API5: variants seen among roughly 807,000 people sequenced by gnomAD.
The protein encoded by API5 is FIF.
A neutral mutation model predicts 71.9 loss-of-function variants in API5; 6 were observed. The ratio of observed to expected loss-of-function variants is 0.08; its 90% CI spans 0.05 to 0.16. The LOEUF is 0.16. API5 is among the 10% of genes least tolerant of loss of function. The probability of loss-of-function intolerance (pLI) is 1.00; values close to 1 mark genes in which losing one functional copy is unlikely to be tolerated. For missense variants in API5, 332 were observed against 612.8 expected (o/e 0.54, Z 4.84); for synonymous variants, 189 against 221.3 (o/e 0.85, Z 1.30).
intron 4 of API5, among the ~76,000 whole-genome samples, chr11:43,321,757 G>C (rs1191552203): frequency 6.6e-6 from 1 of 152,114 alleles, no homozygotes; most frequent in Non-Finnish European, 1.5e-5. Context: ...TTTATTATTA[G>C]TAATGATAAA....
In API5 at chr11:43,312,041, G is replaced by T. The variant is rs184841117; in HGVS notation, c.-87G>T. The T allele has an allele frequency of 2.1e-6, 3 of 1,449,076 alleles. No homozygotes were observed. In the East Asian group the frequency reaches 7.0e-5, roughly 34 times the overall value. 89.8% of individuals were successfully genotyped at this position (1,449,076 alleles called of 1,614,324 possible). On this transcript the variant is annotated 5_prime_UTR_variant, in exon 1 of 14. Transcript: ENST00000531273. ...CGGCAGCTGGAGGTGTAATAGTGCG[G>T]GTAGTGGGTTTGGAGAAGTTCCGAG...
At chr11:43,331,408 A>G (rs562304591) in intron 11 of API5, 1 of 153,920 alleles carries the variant, frequency 6.5e-6, no homozygotes. Context: ...AAGAAGCCTT[A>G]CCAATAACAT....
chr11:43,326,027 A>C (rs5743234), intron 6 of API5, among the ~76,000 whole-genome samples: 9 of 152,186 alleles, frequency 5.9e-5, no homozygotes, highest in Non-Finnish European at 1.2e-4. Flanking sequence ...ACAATTTTTT[A>C]AGAGTTTTGA....
rs1174339718 is a variant in API5 at position 43,342,504 on chromosome 11, C to G, written c.1569C>G (p.Leu523=). 4 of 1,613,526 alleles carry G rather than the reference C, an allele frequency of 2.5e-6. No homozygotes were observed. The African/African-American group carries it at 5.3e-5, about 22-fold the overall frequency. Residue 523 remains leucine, a synonymous_variant, in exon 14 of 14, where the codon CTC becomes CTG. Coordinates refer to ENST00000531273, the MANE Select transcript of API5 (RefSeq NM_001142930.2). ...GTRGNRSRGR[L]Y ...GAGGAAATCGTAGTCGGGGAAGACT[C>G]TACTGAATAAGACATCAGCATTCTT...
At chr11:43,332,188 C>G (rs575439022) in intron 11 of API5, 9 of 152,322 alleles carry the variant, frequency 5.9e-5, no homozygotes, top group African/African-American at 1.9e-4. Flanking sequence ...CTGCTATACT[C>G]TCACAGTGCA....
At position 43,312,084 on chromosome 11, in the gene API5, C is replaced by A. The variant is rs757010245; in HGVS notation, c.-44C>A. On this transcript the variant is annotated 5_prime_UTR_variant, in exon 1 of 14. Coordinates refer to ENST00000531273, the MANE Select transcript of API5 (RefSeq NM_001142930.2). ...GTTCCGAGGCGGCGGTGGCGCCGGTCAGGACAAGGATAGCGGAACCGGGCC... is the reference window on the plus strand; with the variant it reads ...GTTCCGAGGCGGCGGTGGCGCCGGTAAGGACAAGGATAGCGGAACCGGGCC... 4 of 1,607,072 alleles carry A rather than the reference C, an allele frequency of 2.5e-6. No homozygotes were observed. Among genetic ancestry groups the A allele is most frequent in the Non-Finnish European group, 3.4e-6 (4 of 1,175,512 alleles).
Position 43,326,621 on chromosome 11 carries a change from A to G in API5, c.855+10A>G, listed in dbSNP as rs376199404. 2 of 1,529,844 alleles carry G rather than the reference A, an allele frequency of 1.3e-6. No individual in the cohort carries two copies. The highest frequency in any genetic ancestry group is 2.3e-5 in the East Asian group (1 of 44,396). 94.8% of individuals were successfully genotyped at this position (1,529,844 alleles called of 1,614,324 possible). On this transcript the variant is annotated intron_variant, in intron 7 of 13. Coordinates refer to ENST00000531273, the MANE Select transcript of API5 (RefSeq NM_001142930.2). ...TGATATACAGTTGGAGGTAAGCAAA[A>G]ATTTCAGCTTTAGCACTGATAAGGC...
rs1335287459 is a variant in API5, at chr11:43,312,145, G to C, written c.18G>C (p.Glu6Asp). 6.2e-7 allele frequency: 1 copy of C among 1,613,802 alleles called. No homozygotes were observed. Among genetic ancestry groups the C allele is most frequent in the Non-Finnish European group, 8.5e-7 (1 of 1,179,938 alleles). Residue 6 changes from glutamate (E) to aspartate (D), a missense_variant, in exon 1 of 14, where the codon GAG (glutamate) becomes GAC (aspartate). Glu to Asp is a conservative substitution (Grantham distance 45). This residue lies in a region of API5 where 127 missense variants were observed against 237.6 expected (regional missense o/e 0.53). Coordinates refer to ENST00000531273, the MANE Select transcript of API5 (RefSeq NM_001142930.2). ...CGCTCACCATGCCGACAGTAGAGGA[G>C]CTTTACCGCAATTATGGCATCCTGG... is the stretch of plus-strand genomic sequence containing the variant. MPTVE[E>D]LYRNYGILAD... is the part of the protein sequence containing the mutation.
chr11:43,341,062 T>C (rs978873041), intron 13 of API5, among the ~76,000 whole-genome samples: 1 of 152,166 alleles, frequency 6.6e-6, no homozygotes, highest in African/African-American at 2.4e-5. Flanking sequence ...ATAGAAGATA[T>C]TCAAACATCT....
chr11:43,341,427 T>G (rs1590277447), intron 13 of API5, among the ~76,000 whole-genome samples: 1 of 152,230 alleles, frequency 6.6e-6, no homozygotes, highest in East Asian at 1.9e-4. Context: ...GAATGTCCTT[T>G]CATTTGCAGC....
intron 2 of API5, among the ~76,000 whole-genome samples, chr11:43,319,566 A>C (rs1010780977): frequency 1.6e-4 from 24 of 152,080 alleles, no homozygotes; most frequent in African/African-American, 4.8e-4. Flanking sequence ...CAAGCAGCAC[A>C]GACCACCGTT....
chr11:43,317,983 C>A (rs936605681), intron 1 of API5, among the ~76,000 whole-genome samples: 2 of 97,872 alleles, frequency 2.0e-5, no homozygotes, highest in African/African-American at 7.8e-5. Context: ...GCCATCATTA[C>A]AATTGTTTTG....
chr11:43,336,962 C>T (rs1049534342), intron 13 of API5, among the ~76,000 whole-genome samples: 6 of 143,526 alleles, frequency 4.2e-5, no homozygotes, highest in Non-Finnish European at 9.0e-5. Context: ...GAGTGGAGAT[C>T]GCACCACTGT....
intron 1 of API5, among the ~76,000 whole-genome samples, chr11:43,312,621 C>T (rs909774891): frequency 1.5e-4 from 23 of 152,032 alleles, no homozygotes; most frequent in African/African-American, 5.3e-4. Flanking sequence ...AATTCTGCTA[C>T]TAATTGAAGA....
chr11:43,329,897 T>C (rs1855196942), intron 9 of API5, 68 bp from the exon 10 acceptor site: 1 of 1,294,968 alleles, frequency 7.7e-7, no homozygotes, highest in Admixed American at 1.7e-5. Flanking sequence ...TTTGCTGTAG[T>C]ATAAGATTGA....
At chr11:43,317,071 C>T (rs1215710802) in intron 1 of API5, among the ~76,000 whole-genome samples, 1 of 152,148 alleles carries the variant, frequency 6.6e-6, no homozygotes, top group Non-Finnish European at 1.5e-5. Flanking sequence ...ATTTATTGGT[C>T]ATTCCCCGCT....
intron 13 of API5, 89 bp from the exon 14 acceptor site, chr11:43,342,339 G>T: frequency 9.5e-7 from 1 of 1,048,492 alleles, no homozygotes; most frequent in Non-Finnish European, 1.4e-6. Flanking sequence ...GCCTACTGCT[G>T]TATTCAGAGT....
chr11:43,312,596 T>G (rs1219442473), intron 1 of API5, among the ~76,000 whole-genome samples: 10 of 152,124 alleles, frequency 6.6e-5, no homozygotes, highest in African/African-American at 2.4e-4. Flanking sequence ...TGTGTTTTTT[T>G]TGGGGGGGAG....
intron 3 of API5, 80 bp downstream of exon 3, chr11:43,320,994 TGGG>T (rs1854870355): frequency 8.2e-7 from 1 of 1,218,238 alleles, no homozygotes; most frequent in Non-Finnish European, 1.2e-6. Flanking sequence ...AGGTTTTAAA[TGGG>T]GTGCAGGAGA....
Sources: allele counts gnomAD v4.1 joint callset (sites outside exome capture counted in the v4.1 genomes callset), GRCh38; gene constraint gnomAD v4.1.1; regional missense constraint gnomAD v4.1.1; transcripts MANE v1.5; gene names NCBI Gene and HGNC (gene_info 2026-07-23, HGNC 2026-07-21).